Variants in ZNF235 observed in about 807,000 individuals in gnomAD.
The protein encoded by ZNF235 is zfp-93.
ZNF235 carries 25 observed loss-of-function variants against 29.4 expected under a neutral mutation model. That is an observed-to-expected ratio of 0.85 (90% CI 0.62 to 1.19). The LOEUF (loss-of-function observed/expected upper bound fraction) is 1.19. Among genes scored for constraint, ZNF235 ranks in the 50% most tolerant of loss-of-function variants. ZNF235 has a pLI of 0.00. For missense variants in ZNF235, 788 were observed against 885.0 expected (o/e 0.89, Z 1.39); for synonymous variants, 300 against 295.3 (o/e 1.02, Z -0.16).
At chr19:44,295,744 C>A (rs1169423993) in intron 4 of ZNF235, among the ~76,000 whole-genome samples, 1 of 152,030 alleles carries the variant, frequency 6.6e-6, no homozygotes, top group Non-Finnish European at 1.5e-5. Flanking sequence ...AAAATAGATA[C>A]ACAGATCAAT....
Position 44,304,954 on chromosome 19 carries a change from A to C in ZNF235, c.-49+17T>G, listed in dbSNP as rs996105654. 2 of 985,124 alleles carry C rather than the reference A, an allele frequency of 2.0e-6. No homozygotes were observed. The highest frequency in any genetic ancestry group is 1.7e-5 in the African/African-American group (1 of 57,212). The allele number at this position is 985,124 out of a possible 1,614,324, so 61.0% of individuals were successfully genotyped here. On this transcript the variant is annotated intron_variant, in intron 1 of 4. Coordinates refer to ENST00000291182, the MANE Select transcript of ZNF235 (RefSeq NM_004234.4). ...AAGAGGGCTCGGAGAAGTCTTGGAG[A>C]CCCGGAGCTGACTCACCTCCCTGGG...
At chr19:44,303,206 G>T (rs199629838) in intron 2 of ZNF235, among the ~76,000 whole-genome samples, 184 bp downstream of exon 2, 4 of 145,272 alleles carry the variant, frequency 2.8e-5, no homozygotes, top group Admixed American at 7.0e-5. Context: ...GAAATTAACA[G>T]ATATATATAT....
At chr19:44,298,593 T>G (rs779318676) in intron 4 of ZNF235, among the ~76,000 whole-genome samples, 3 of 152,172 alleles carry the variant, frequency 2.0e-5, no homozygotes, top group African/African-American at 4.8e-5. Flanking sequence ...GGTTTTGCTA[T>G]GTTAAAGACC....
In ZNF235 at chr19:44,300,657, T is replaced by C. The variant is rs562936282; in HGVS notation, c.16-925A>G. 1.2e-4 allele frequency among the ~76,000 whole-genome samples: 18 copies of C among 152,018 alleles called. No individual in the cohort carries two copies. In the South Asian group the frequency reaches 3.3e-3, roughly 28 times the overall value. The stretch of plus-strand genomic sequence containing the variant: ...GAGTTCAAGACCAACCCGACAAACA[T>C]GGTGAAACCCTGTCTCTACTAAAAA... On this transcript the variant is annotated intron_variant, in intron 2 of 4. Transcript: ENST00000291182.
In ZNF235 at chr19:44,288,799, T is replaced by C. The variant is rs755416106; in HGVS notation, c.636A>G (p.Pro212=). 3 of 1,613,660 alleles carry C rather than the reference T, an allele frequency of 1.9e-6. No individual in the cohort carries two copies. The African/African-American group carries it at 4.0e-5, about 22-fold the overall frequency. Residue 212 remains proline, a synonymous_variant, in exon 5 of 5, where the codon CCA becomes CCG. Transcript: ENST00000291182. ...AAATACAACTGAAAATGTCAACATA[T>C]GGAGCAAATATACATAGTTTGTTTT... is the stretch of plus-strand genomic sequence containing the variant. ...QMKNKLCIFA[P]YVDIFSCISH...
chr19:44,302,974 GTATATATT>G (rs1975767494), intron 2 of ZNF235, among the ~76,000 whole-genome samples: 4 of 106,404 alleles, frequency 3.8e-5, no homozygotes, highest in Admixed American at 1.0e-4. Context: ...ACGTATATAT[GTATATATT>G]TATATATAAA....
rs1975811448 is a variant in ZNF235, at chr19:44,305,007, C to G, written c.-85G>C. ...ATATCTCAGATCCGACCTCGCCTTC[C>G]TGGAGCGGAAGTGCCTCCGAGTGCC... is the stretch of plus-strand genomic sequence containing the variant. On this transcript the variant is annotated 5_prime_UTR_variant, in exon 1 of 5. Coordinates refer to ENST00000291182, the MANE Select transcript of ZNF235 (RefSeq NM_004234.4). 1 of 951,912 alleles carries G rather than the reference C, an allele frequency of 1.1e-6. No individual in the cohort carries two copies. Among genetic ancestry groups the G allele is most frequent in the Admixed American group, 6.2e-5 (1 of 16,224 alleles). The allele number at this position is 951,912 out of a possible 1,614,324, so 59.0% of individuals were successfully genotyped here.
intron 4 of ZNF235, 120 bp downstream of exon 4, chr19:44,298,688 G>A (rs955275723): frequency 1.4e-5 from 10 of 732,258 alleles, no homozygotes; most frequent in South Asian, 2.1e-5. Flanking sequence ...GAGCCATCGC[G>A]CCCAACCATG....
chr19:44,304,357 AAC>A (rs1975799309), intron 1 of ZNF235, among the ~76,000 whole-genome samples: 1 of 152,166 alleles, frequency 6.6e-6, no homozygotes, highest in Non-Finnish European at 1.5e-5. Flanking sequence ...TCTGAGATAA[AAC>A]ACACAGGACA....
At chr19:44,296,793 C>T (rs150041839) in intron 4 of ZNF235, among the ~76,000 whole-genome samples, 1 of 152,184 alleles carries the variant, frequency 6.6e-6, no homozygotes, top group African/African-American at 2.4e-5. Flanking sequence ...TAAAATCACA[C>T]AAAGTATCTC....
At position 44,286,563 on chromosome 19, in the gene ZNF235, A is replaced by G. The variant is rs951199432; in HGVS notation, c.*655T>C. On this transcript the variant is annotated 3_prime_UTR_variant, in exon 5 of 5. Transcript: ENST00000291182. ...CTGTACAAAGAACTAAGGCTGAAGG[A>G]TGGGAGCCATTCATGTCTTTTTTCC... 6 of 152,320 alleles carry G rather than the reference A, an allele frequency of 3.9e-5. No individual in the cohort carries two copies. Among genetic ancestry groups the G allele is most frequent in the African/African-American group, 1.2e-4 (5 of 41,458 alleles). 9.4% of individuals were successfully genotyped at this position (152,320 alleles called of 1,614,324 possible).
intron 2 of ZNF235, among the ~76,000 whole-genome samples, chr19:44,300,514 A>G (rs1292697929): frequency 6.6e-6 from 1 of 152,170 alleles, no homozygotes; most frequent in African/African-American, 2.4e-5. Context: ...ATTTTTACAT[A>G]GATCTTAGCC....
intron 2 of ZNF235, among the ~76,000 whole-genome samples, chr19:44,300,457 C>T (rs1296862228): frequency 2.0e-5 from 3 of 152,094 alleles, no homozygotes; most frequent in East Asian, 1.9e-4. Context: ...AAATAATGCA[C>T]ATTTGATCAT....
rs540840825 is a variant in ZNF235 at position 44,300,458 on chromosome 19, A to T, written c.16-726T>A. Among the ~76,000 whole-genome samples, 15 of 152,330 alleles carry T rather than the reference A, an allele frequency of 9.8e-5. No individual in the cohort carries two copies. The South Asian group carries it at 2.9e-3, about 29-fold the overall frequency. Reference sequence around the variant, plus strand: ...TATTTAACCATTCTAAATAATGCACATTTGATCATTTTAAATTTAAAAATG... The same window carrying T: ...TATTTAACCATTCTAAATAATGCACTTTTGATCATTTTAAATTTAAAAATG... On this transcript the variant is annotated intron_variant, in intron 2 of 4. Coordinates refer to ENST00000291182, the MANE Select transcript of ZNF235 (RefSeq NM_004234.4).
intron 2 of ZNF235, among the ~76,000 whole-genome samples, chr19:44,302,999 CATATATACGTAT>C (rs1975770782): frequency 1.9e-5 from 2 of 106,182 alleles, no homozygotes; most frequent in African/African-American, 4.9e-5. Flanking sequence ...TAAATATATA[CATATATACGTAT>C]ATATTTATAT....
At chr19:44,304,334 T>C (rs935913159) in intron 1 of ZNF235, among the ~76,000 whole-genome samples, 1 of 152,190 alleles carries the variant, frequency 6.6e-6, no homozygotes, top group African/African-American at 2.4e-5. Context: ...AAATCCGTAA[T>C]GACGATCGCT....
At position 44,287,594 on chromosome 19, in the gene ZNF235, A is replaced by G; in HGVS notation, c.1841T>C (p.Leu614Pro). The G allele has an allele frequency of 6.2e-7, 1 of 1,614,178 alleles. No individual in the cohort carries two copies. Among genetic ancestry groups the G allele is most frequent in the Non-Finnish European group, 8.5e-7 (1 of 1,180,018 alleles). Reference protein sequence around the residue: ...CQKRFSQASHLQAHQRVHTGE... With the variant: ...CQKRFSQASHPQAHQRVHTGE... ...GGTGTGGACTCTCTGATGGGCTTGA[A>G]GGTGTGAGGCCTGACTGAATCGCTT... The change falls in exon 5 of 5, where the codon CTT becomes CCT. Residue 614 changes from leucine (L) to proline (P), a missense_variant. Physicochemically the swap from Leu to Pro is moderately conservative, Grantham distance 98 (BLOSUM62 -3). Transcript: ENST00000291182.
chr19:44,303,540 CCT>C (rs767623006), intron 1 of ZNF235, 88 bp from the exon 2 acceptor site: 104 of 1,238,598 alleles, frequency 8.4e-5, no homozygotes, highest in Non-Finnish European at 9.8e-5. Flanking sequence ...GAAAGGTCCC[CCT>C]GTCTCTAGGC....
chr19:44,296,550 T>A (rs552353565), intron 4 of ZNF235, among the ~76,000 whole-genome samples: 2 of 152,332 alleles, frequency 1.3e-5, no homozygotes, highest in Admixed American at 1.3e-4. Context: ...GTTTGGTGGA[T>A]TAGATGATAT....
Sources: gnomAD v4.1 joint callset for allele counts (sites outside exome capture counted in the v4.1 genomes callset) on GRCh38, gnomAD v4.1.1 for gene constraint, MANE v1.5 for transcripts, NCBI Gene and HGNC (gene_info 2026-07-23, HGNC 2026-07-21) for gene names.